The following TLN2 variants were observed in gnomAD, a reference collection of about 807,000 sequenced individuals.
TLN2 encodes talin 2, also known as talin-2.
A neutral mutation model predicts 294.7 loss-of-function variants in TLN2; 118 were observed. The ratio of observed to expected loss-of-function variants is 0.40; its 90% CI spans 0.34 to 0.47. The LOEUF (loss-of-function observed/expected upper bound fraction) is 0.47. TLN2 is among the 20% of genes least tolerant of loss of function. The probability of loss-of-function intolerance (pLI) is 0.84; values close to 1 mark genes in which losing one functional copy is unlikely to be tolerated. For missense variants in TLN2, 3,083 were observed against 3,282.2 expected (o/e 0.94, Z 1.48); for synonymous variants, 1,431 against 1,304.5 (o/e 1.10, Z -2.09).
At chr15:62,630,518 C>G (rs1482860382) in intron 3 of TLN2, among the ~76,000 whole-genome samples, 2 of 152,202 alleles carry the variant, frequency 1.3e-5, no homozygotes, top group African/African-American at 4.8e-5. Flanking sequence ...ACGTCGGGAT[C>G]TCATCACAGA....
At chr15:62,400,725 A>G (rs1030318557) in intron 1 of TLN2, among the ~76,000 whole-genome samples, 4 of 151,912 alleles carry the variant, frequency 2.6e-5, no homozygotes, top group Non-Finnish European at 4.4e-5. Flanking sequence ...CTGATCATTC[A>G]TGCATTTTTT....
At chr15:62,739,680 CT>C in intron 31 of TLN2, 135 bp downstream of exon 31, 1 of 1,029,736 alleles carries the variant, frequency 9.7e-7, no homozygotes, top group Non-Finnish European at 1.4e-6. Flanking sequence ...CTTTTTGCTG[CT>C]TAGGAAGCTC....
chr15:62,574,312 C>G (rs1057302784), intron 1 of TLN2, among the ~76,000 whole-genome samples: 1 of 151,778 alleles, frequency 6.6e-6, no homozygotes, highest in Non-Finnish European at 1.5e-5. Flanking sequence ...CGCGGTGGCT[C>G]AGCCTGTAAT....
intron 28 of TLN2, among the ~76,000 whole-genome samples, chr15:62,731,300 C>A (rs1427659874): frequency 6.6e-6 from 1 of 151,080 alleles, no homozygotes; most frequent in Non-Finnish European, 1.5e-5. Context: ...TTTTTCCCAC[C>A]TCTTGGTTTT....
Position 62,689,908 on chromosome 15 carries a change from C to G in TLN2, c.1114-2932C>G, listed in dbSNP as rs111766736. 2.7e-5 allele frequency among the ~76,000 whole-genome samples: 2 copies of G among 75,214 alleles called. 1 individual carries two copies. The highest frequency in any genetic ancestry group is 3.4e-4 in the Admixed American group (2 of 5,898). The allele number at this position is 75,214 out of a possible 152,430, so 49.3% of individuals were successfully genotyped here. A position where few individuals can be genotyped will look rare whatever the true frequency, so the allele number is the denominator to read the frequency against. On this transcript the variant is annotated intron_variant, in intron 12 of 58. Transcript: ENST00000636159. ...CTGACCCCCCTTCCTCCCTCCCGGA[C>G]GGGGCAGCTGGCCAGGCGGGGGGCT...
At chr15:62,747,545 C>T (rs1171687931) in intron 32 of TLN2, among the ~76,000 whole-genome samples, 2 of 152,100 alleles carry the variant, frequency 1.3e-5, no homozygotes, top group Admixed American at 1.3e-4. Context: ...ATGGGGTTAT[C>T]TTGTTCCATG....
At chr15:62,424,333 G>A (rs1369860063) in intron 1 of TLN2, among the ~76,000 whole-genome samples, 1 of 152,226 alleles carries the variant, frequency 6.6e-6, no homozygotes, top group African/African-American at 2.4e-5. Context: ...GGCATTGTGA[G>A]TGGCTGAAGA....
chr15:62,728,864 C>G (rs997662194), intron 28 of TLN2, among the ~76,000 whole-genome samples: 17 of 151,850 alleles, frequency 1.1e-4, no homozygotes, highest in African/African-American at 3.9e-4. Context: ...TAATATATTC[C>G]AATTTATACT....
intron 37 of TLN2, among the ~76,000 whole-genome samples, chr15:62,759,654 G>A (rs1463837730): frequency 6.6e-6 from 1 of 152,208 alleles, no homozygotes; most frequent in East Asian, 1.9e-4. Context: ...GGAGAGGTAA[G>A]AAGCAGGAAG....
intron 22 of TLN2, 105 bp from the exon 23 acceptor site, chr15:62,716,226 A>C: frequency 7.9e-7 from 1 of 1,266,354 alleles, no homozygotes; most frequent in African/African-American, 1.5e-5. Context: ...GCATTTGACT[A>C]TCCTTGCAAA....
chr15:62,560,288 T>C (rs912421498), intron 1 of TLN2, among the ~76,000 whole-genome samples: 4 of 152,216 alleles, frequency 2.6e-5, no homozygotes, highest in African/African-American at 7.2e-5. Context: ...CCACCCAGGC[T>C]GGAGTGCGGT....
At chr15:62,736,591 G>A (rs974112954) in intron 28 of TLN2, among the ~76,000 whole-genome samples, 4 of 152,184 alleles carry the variant, frequency 2.6e-5, no homozygotes, top group Admixed American at 2.0e-4. Flanking sequence ...CCATGCACTT[G>A]GTGTTCTAGG....
intron 1 of TLN2, among the ~76,000 whole-genome samples, chr15:62,482,035 G>A (rs558524690): frequency 7.2e-5 from 11 of 151,796 alleles, no homozygotes; most frequent in African/African-American, 1.9e-4. Context: ...GACCTCAGAC[G>A]ATCCACCTGC....
At chr15:62,484,095 G>C (rs2038251737) in intron 1 of TLN2, among the ~76,000 whole-genome samples, 1 of 152,182 alleles carries the variant, frequency 6.6e-6, no homozygotes, top group Non-Finnish European at 1.5e-5. Context: ...AGTGCTGCGG[G>C]ATGACTGGGA....
Position 62,657,864 on chromosome 15 carries a change from CAT to C in TLN2, c.755_756del (p.His252ArgfsTer4). 1 of 1,613,640 alleles carries C rather than the reference CAT, an allele frequency of 6.2e-7. No individual in the cohort carries two copies. The highest frequency in any genetic ancestry group is 8.5e-7 in the Non-Finnish European group (1 of 1,179,800). On this transcript the variant is annotated frameshift_variant, in exon 9 of 59. Coordinates refer to ENST00000636159, the MANE Select transcript of TLN2 (RefSeq NM_015059.3). LOFTEE classifies it high-confidence loss of function. ...GFQAQIQFGP[H>X]VEHKHKPGFL... ...TCAAGCCCAGATACAATTTGGACCT[CAT>C]GTGGAACATAAACACAAACCTGGAT...
chr15:62,773,632 T>C (rs539000948), intron 42 of TLN2, among the ~76,000 whole-genome samples: 9 of 152,320 alleles, frequency 5.9e-5, no homozygotes, highest in Non-Finnish European at 1.2e-4. Context: ...CTAGGTGTTA[T>C]ATATCCCTGT....
In TLN2 at chr15:62,529,535, T is replaced by C. The variant is rs531537671; in HGVS notation, c.-237-60152T>C. On this transcript the variant is annotated intron_variant, in intron 1 of 58. Transcript: ENST00000636159. The stretch of plus-strand genomic sequence containing the variant: ...CCTCCCTTGCCTCTCTTGTTTTTTT[T>C]ATTTTTTTTCTCTTACTTAAAAGCT... Among the ~76,000 whole-genome samples, 14 of 149,262 alleles carry C rather than the reference T, an allele frequency of 9.4e-5. No homozygotes were observed. The East Asian group carries it at 2.8e-3, about 29-fold the overall frequency.
At chr15:62,802,411 T>TACACACACAC (rs60573464) in intron 50 of TLN2, among the ~76,000 whole-genome samples, 1,567 of 149,820 alleles carry the variant, frequency 0.01, 17 homozygotes, top group Admixed American at 0.027. Context: ...TATACAATGG[T>TACACACACAC]ACACACACAC....
chr15:62,689,846 C>CTTCTTTTTT (rs2057628986), intron 12 of TLN2, among the ~76,000 whole-genome samples: 1 of 15,398 alleles, frequency 6.5e-5, no homozygotes, highest in African/African-American at 1.4e-4. Context: ...GTATGGGCTT[C>CTTCTTTTTT]TTTTTTTTTT....
Sources: allele counts gnomAD v4.1 joint callset (sites outside exome capture counted in the v4.1 genomes callset), GRCh38; gene constraint gnomAD v4.1.1; transcripts MANE v1.5; gene names NCBI Gene and HGNC (gene_info 2026-07-23, HGNC 2026-07-21).